Variants in BCR observed in about 807,000 individuals in gnomAD.
BCR encodes breakpoint cluster region protein.
A neutral mutation model predicts 138.6 loss-of-function variants in BCR; 58 were observed. The ratio of observed to expected loss-of-function variants is 0.42; its 90% CI spans 0.34 to 0.52. The LOEUF is 0.52. Ranked by LOEUF, BCR falls within the 20% of genes least tolerant of loss-of-function variation. The probability of loss-of-function intolerance (pLI) is 0.06; values close to 1 mark genes in which losing one functional copy is unlikely to be tolerated. For synonymous variants in BCR, 786 were observed against 730.1 expected, an observed-to-expected ratio of 1.08 and a Z score of -1.23; for missense variants, 1,599 against 1,727.2, an observed-to-expected ratio of 0.93 and a Z score of 1.32.
In BCR at chr22:23,284,101, G is replaced by A. The variant is rs1295875714; in HGVS notation, c.2237+3G>A. ...AAGCTCAAGAAGCAGAGCGGAGGGT[G>A]AGTGACGATGTGGCCCCTGTCCCAG... On this transcript the variant is annotated splice_donor_region_variant and intron_variant, in intron 9 of 22. Transcript: ENST00000305877. 1 of 1,612,344 alleles carries A rather than the reference G, an allele frequency of 6.2e-7. No homozygotes were observed. The highest frequency in any genetic ancestry group is 8.5e-7 in the Non-Finnish European group (1 of 1,179,456).
chr22:23,264,136 C>T (rs2073407864), intron 4 of BCR: 1 of 1,515,034 alleles, frequency 6.6e-7, no homozygotes, highest in African/African-American at 1.4e-5. Flanking sequence ...CACAACAGCA[C>T]CCTGTACTGC....
chr22:23,272,960 G>A, intron 6 of BCR, 121 bp from the exon 7 acceptor site: 1 of 1,039,804 alleles, frequency 9.6e-7, no homozygotes, highest in Non-Finnish European at 1.5e-6. Context: ...GCGCAGAGGG[G>A]AGATGGGGCC....
intron 8 of BCR, among the ~76,000 whole-genome samples, chr22:23,280,221 C>T: frequency 6.6e-6 from 1 of 152,194 alleles, no homozygotes; most frequent in Non-Finnish European, 1.5e-5. Flanking sequence ...CCTGGATAGG[C>T]TGTGCCTGGG....
chr22:23,314,175 G>A, intron 21 of BCR, 102 bp downstream of exon 21: 1 of 949,708 alleles, frequency 1.1e-6, no homozygotes, highest in Non-Finnish European at 1.7e-6. Context: ...CTTTTCTCCT[G>A]ACCCTTGTCT....
intron 1 of BCR, among the ~76,000 whole-genome samples, chr22:23,232,574 C>T (rs1031934627): frequency 2.6e-5 from 4 of 152,170 alleles, no homozygotes; most frequent in Admixed American, 6.5e-5. Context: ...TGGTGGGGTT[C>T]CCCACCTGGA....
chr22:23,214,049 G>A (rs78695540), intron 1 of BCR, among the ~76,000 whole-genome samples: 1 of 152,064 alleles, frequency 6.6e-6, no homozygotes, highest in East Asian at 1.9e-4. Context: ...TTAGAGATGA[G>A]GTGTGCAAAA....
At chr22:23,272,838 A>G (rs1602089862) in intron 6 of BCR, among the ~76,000 whole-genome samples, 1 of 152,030 alleles carries the variant, frequency 6.6e-6, no homozygotes, top group African/African-American at 2.4e-5. Context: ...AGCTGTTGCC[A>G]CCGAGCCAGC....
intron 1 of BCR, among the ~76,000 whole-genome samples, chr22:23,188,405 A>C (rs1480833745): frequency 6.6e-6 from 1 of 152,180 alleles, no homozygotes; most frequent in African/African-American, 2.4e-5. Context: ...CTAGCTTTAT[A>C]GCCTCCTTCC....
intron 1 of BCR, among the ~76,000 whole-genome samples, chr22:23,242,214 G>C (rs1480650054): frequency 6.6e-6 from 1 of 152,228 alleles, no homozygotes; most frequent in African/African-American, 2.4e-5. Flanking sequence ...GGACAAGGGG[G>C]ATCTGGCTAG....
At chr22:23,220,614 G>T (rs1277351095) in intron 1 of BCR, among the ~76,000 whole-genome samples, 2 of 152,158 alleles carry the variant, frequency 1.3e-5, no homozygotes, top group African/African-American at 4.8e-5. Context: ...TGCAAGCTCA[G>T]CTCACTTCCT....
rs1362868766 is a variant in BCR at position 23,313,881 on chromosome 22, C to CA, written c.3458-86dup. The stretch of plus-strand genomic sequence containing the variant: ...ATGACGAGCCTGGGCTGTGCAGGGA[C>CA]ACAAGCCCCAGGTGCTCCATGTGAA... On this transcript the variant is annotated intron_variant, in intron 20 of 22. Coordinates refer to ENST00000305877, the MANE Select transcript of BCR (RefSeq NM_004327.4). 6.6e-6 allele frequency: 7 copies of CA among 1,064,878 alleles called. No homozygotes were observed. In the Admixed American group the frequency reaches 1.2e-4, roughly 18 times the overall value. 66.0% of individuals were successfully genotyped at this position (1,064,878 alleles called of 1,614,324 possible).
intron 1 of BCR, chr22:23,198,461 A>G (rs544646045): frequency 1.3e-5 from 5 of 372,504 alleles, no homozygotes. Flanking sequence ...CTGAACAGCT[A>G]TCAGGGTGAT....
chr22:23,220,322 A>T (rs2072809949), intron 1 of BCR, among the ~76,000 whole-genome samples: 1 of 152,098 alleles, frequency 6.6e-6, no homozygotes, highest in East Asian at 1.9e-4. Context: ...GTTCTAGGGG[A>T]GGAGGGGTGA....
At chr22:23,231,506 CATAAA>C (rs57803042) in intron 1 of BCR, among the ~76,000 whole-genome samples, 3,164 of 128,822 alleles carry the variant, frequency 0.025, 101 homozygotes, top group African/African-American at 0.044. Flanking sequence ...GACCCCGTCT[CATAAA>C]ATAAAATAAA....
At chr22:23,252,916 C>T (rs1269603439) in intron 1 of BCR, among the ~76,000 whole-genome samples, 2 of 152,222 alleles carry the variant, frequency 1.3e-5, no homozygotes, top group East Asian at 1.9e-4. Flanking sequence ...CATTGTCTAC[C>T]TGGAGTTAGC....
intron 18 of BCR, 71 bp from the exon 19 acceptor site, chr22:23,311,626 T>C (rs62219814): frequency 1.5e-5 from 21 of 1,381,566 alleles, no homozygotes; most frequent in East Asian, 7.2e-5. Flanking sequence ...TGTGCAGATA[T>C]GGAGCAGGTC....
chr22:23,259,428 A>T (rs2073332075), intron 2 of BCR, among the ~76,000 whole-genome samples: 1 of 151,896 alleles, frequency 6.6e-6, no homozygotes, highest in Non-Finnish European at 1.5e-5. Flanking sequence ...CCACTCTGGG[A>T]GTTTGAGGTA....
intron 11 of BCR, 115 bp downstream of exon 11, chr22:23,287,393 G>A (rs1272527059): frequency 1.1e-5 from 16 of 1,406,822 alleles, no homozygotes; most frequent in African/African-American, 2.9e-5. Context: ...AGGCATGTCC[G>A]GCATGGTGCA....
chr22:23,225,010 G>T (rs897029562), intron 1 of BCR, among the ~76,000 whole-genome samples: 1 of 151,736 alleles, frequency 6.6e-6, no homozygotes, highest in Admixed American at 6.6e-5. Flanking sequence ...ACCGAGACCC[G>T]GCATTTGGAG....
Sources: allele counts gnomAD v4.1 joint callset (sites outside exome capture counted in the v4.1 genomes callset), GRCh38; gene constraint gnomAD v4.1.1; transcripts MANE v1.5; gene names NCBI Gene and HGNC (gene_info 2026-07-23, HGNC 2026-07-21).